Variants in ELAPOR1 observed in about 807,000 individuals in gnomAD.
The protein encoded by ELAPOR1 is endosome/lysosome-associated apoptosis and autophagy regulator 1.
A neutral mutation model predicts 119.7 loss-of-function variants in ELAPOR1; 77 were observed. The ratio of observed to expected loss-of-function variants is 0.64; its 90% CI spans 0.54 to 0.78. ELAPOR1 has a LOEUF of 0.78. ELAPOR1 is among the 30% of genes least tolerant of loss of function. The pLI is 0.00. For missense variants in ELAPOR1, 1,115 were observed against 1,270.4 expected, an observed-to-expected ratio of 0.88 and a Z score of 1.86; for synonymous variants, 481 against 487.2, an observed-to-expected ratio of 0.99 and a Z score of 0.17.
At chr1:109,168,768 CTTCAGT>C (rs1158118077) in intron 3 of ELAPOR1, among the ~76,000 whole-genome samples, 2 of 152,090 alleles carry the variant, frequency 1.3e-5, no homozygotes, top group Non-Finnish European at 2.9e-5. Context: ...CACTTCTGGG[CTTCAGT>C]TTCTTCATTC....
chr1:109,160,401 C>A (rs1337247), intron 1 of ELAPOR1, among the ~76,000 whole-genome samples: 39,781 of 151,750 alleles, frequency 0.26, 7,675 homozygotes, highest in African/African-American at 0.54. Flanking sequence ...AATGTGTCAT[C>A]AAGAAAGAAA....
chr1:109,197,114 C>T (rs570069318), intron 15 of ELAPOR1, among the ~76,000 whole-genome samples: 3 of 141,088 alleles, frequency 2.1e-5, no homozygotes, highest in African/African-American at 8.0e-5. Context: ...CCAGCCTGAA[C>T]AACACAGAGA....
intron 1 of ELAPOR1, among the ~76,000 whole-genome samples, chr1:109,148,077 T>C (rs1419560237): frequency 6.6e-6 from 1 of 151,564 alleles, no homozygotes. Context: ...GACCTCGTGA[T>C]CCACCCGCCT....
intron 15 of ELAPOR1, among the ~76,000 whole-genome samples, chr1:109,195,073 G>A (rs138509427): frequency 0.037 from 5,642 of 152,068 alleles, 172 homozygotes; most frequent in Non-Finnish European, 0.062. Context: ...TTGCGCCATT[G>A]CACTCCAGCC....
intron 16 of ELAPOR1, 124 bp downstream of exon 16, chr1:109,197,778 C>G (rs1653920604): frequency 8.8e-7 from 1 of 1,132,352 alleles, no homozygotes; most frequent in Middle Eastern, 2.8e-4. Flanking sequence ...GGGGCCCAAC[C>G]TCTTGACCTG....
intron 1 of ELAPOR1, among the ~76,000 whole-genome samples, chr1:109,130,730 G>A (rs1470192381): frequency 6.6e-6 from 1 of 151,916 alleles, no homozygotes. Context: ...GCCCAATAAT[G>A]GGAATTAAAA....
At chr1:109,164,171 G>A (rs918337094) in intron 2 of ELAPOR1, among the ~76,000 whole-genome samples, 2 of 152,064 alleles carry the variant, frequency 1.3e-5, no homozygotes. Flanking sequence ...ATCCTAAAAA[G>A]AAACCTCATA....
chr1:109,141,665 C>T (rs1316533203), intron 1 of ELAPOR1, among the ~76,000 whole-genome samples: 2 of 151,788 alleles, frequency 1.3e-5, no homozygotes, highest in African/African-American at 2.4e-5. Context: ...TAGCTGAGCA[C>T]TATATTTTAT....
intron 1 of ELAPOR1, among the ~76,000 whole-genome samples, chr1:109,114,594 C>T (rs554879290): frequency 1.2e-4 from 18 of 152,240 alleles, no homozygotes; most frequent in Admixed American, 3.3e-4. Flanking sequence ...AGAAGGGGAG[C>T]TACCTGGGTA....
chr1:109,164,615 C>T lies in ELAPOR1; in HGVS notation c.391C>T (p.Pro131Ser), dbSNP rs1187581176. 4 of 1,614,238 alleles carry T rather than the reference C, an allele frequency of 2.5e-6. No individual in the cohort carries two copies. Among genetic ancestry groups the T allele is most frequent in the African/African-American group, 1.3e-5 (1 of 75,060 alleles). ...GIRFDEWDEL[P>S]HGFASLSANM... ...TCGGTTTGATGAGTGGGATGAGCTGCCCCATGGCTTTGCCAGCCTCTCAGC... is the reference window on the plus strand; with the variant it reads ...TCGGTTTGATGAGTGGGATGAGCTGTCCCATGGCTTTGCCAGCCTCTCAGC... Residue 131 changes from proline (P) to serine (S), a missense_variant, in exon 3 of 22, where the codon CCC (proline) becomes TCC (serine). Physicochemically the swap from Pro to Ser is moderately conservative, Grantham distance 74. Transcript: ENST00000369939.
intron 14 of ELAPOR1, among the ~76,000 whole-genome samples, chr1:109,193,879 G>A (rs1204431004): frequency 4.6e-5 from 7 of 152,314 alleles, no homozygotes; most frequent in South Asian, 2.1e-4. Context: ...AGTTGTGTGC[G>A]GCTACCGCTG....
intron 3 of ELAPOR1, among the ~76,000 whole-genome samples, chr1:109,165,055 C>T (rs1028891058): frequency 2.0e-5 from 3 of 152,140 alleles, no homozygotes; most frequent in Non-Finnish European, 4.4e-5. Flanking sequence ...CTTTGAGAGG[C>T]TAATGTGGGA....
chr1:109,163,157 C>T (rs562200215), intron 2 of ELAPOR1, among the ~76,000 whole-genome samples: 23 of 152,188 alleles, frequency 1.5e-4, no homozygotes, highest in Non-Finnish European at 2.8e-4. Context: ...AAAGTTTAGA[C>T]GTGGATGAAG....
At chr1:109,194,337 C>T (rs547119537) in intron 14 of ELAPOR1, 84 bp from the exon 15 acceptor site, 270 of 1,283,530 alleles carry the variant, frequency 2.1e-4, no homozygotes, top group Non-Finnish European at 2.8e-4. Context: ...CGGGACCAGA[C>T]GGGGGAGAAA....
Position 109,199,358 on chromosome 1 carries a change from G to A in ELAPOR1, c.2502-496G>A, listed in dbSNP as rs975949520. ...GGGGAGATGGGGAGCAAAGCAGGGC[G>A]TCTTGACCCAGTAGTGGTGTCTGAG... On this transcript the variant is annotated intron_variant, in intron 18 of 21. Coordinates refer to ENST00000369939, the MANE Select transcript of ELAPOR1 (RefSeq NM_020775.5). Among the ~76,000 whole-genome samples the A allele has an allele frequency of 2.2e-4, 33 of 152,178 alleles. 1 individual carries two copies. The highest frequency in any genetic ancestry group is 2.1e-3 in the Admixed American group (32 of 15,278).
chr1:109,152,027 C>T (rs1650564733), intron 1 of ELAPOR1, among the ~76,000 whole-genome samples: 2 of 152,098 alleles, frequency 1.3e-5, no homozygotes, highest in African/African-American at 4.8e-5. Flanking sequence ...GCACGTGCCA[C>T]CACACCTAGC....
chr1:109,195,566 G>GT (rs1397507319), intron 15 of ELAPOR1, among the ~76,000 whole-genome samples: 5 of 151,836 alleles, frequency 3.3e-5, no homozygotes, highest in East Asian at 3.9e-4. Flanking sequence ...AGAAGGAAAG[G>GT]TTTTTTTCCC....
intron 1 of ELAPOR1, among the ~76,000 whole-genome samples, chr1:109,151,978 A>G (rs1339400555): frequency 1.3e-5 from 2 of 150,936 alleles, no homozygotes; most frequent in East Asian, 2.0e-4. Context: ...GGCTCAATCA[A>G]TCCTTCCACC....
chr1:109,191,426 C>A lies in ELAPOR1; in HGVS notation c.1500C>A (p.Val500=). Residue 500 remains valine (V), a synonymous_variant, in exon 12 of 22, where the codon GTC becomes GTA. Coordinates refer to ENST00000369939, the MANE Select transcript of ELAPOR1 (RefSeq NM_020775.5). ...ENKEVARITF[V]FETLCSVNCE... ...AAGAGGTGGCCAGAATCACATTTGT[C>A]TTTGAGACCCTCTGTTCTGTGAACT... 1 of 1,614,202 alleles carries A rather than the reference C, an allele frequency of 6.2e-7. No homozygotes were observed.
Sources: allele counts gnomAD v4.1 joint callset (sites outside exome capture counted in the v4.1 genomes callset), GRCh38; gene constraint gnomAD v4.1.1; transcripts MANE v1.5; gene names NCBI Gene and HGNC (gene_info 2026-07-23, HGNC 2026-07-21).